The following RAMP1 variants were observed in gnomAD, a reference collection of about 807,000 sequenced individuals.
RAMP1 encodes the protein receptor activity modifying protein 1.
In RAMP1, 7 loss-of-function variants were observed where a neutral mutation model predicts 8.2. That is an observed-to-expected ratio of 0.85 (90% CI 0.49 to 1.60). The LOEUF is 1.60. RAMP1 is among the 40% of genes most tolerant of loss of function. The pLI is 0.00. For missense variants in RAMP1, 192 were observed against 202.4 expected (o/e 0.95, Z 0.31); for synonymous variants, 92 against 84.7 (o/e 1.09, Z -0.47).
In RAMP1 at chr2:237,880,132, C is replaced by T. The variant is rs1285090178; in HGVS notation, c.191+2770C>T. Among the ~76,000 whole-genome samples, 7 of 152,156 alleles carry T rather than the reference C, an allele frequency of 4.6e-5. No individual in the cohort carries two copies. In the East Asian group the frequency reaches 5.8e-4, roughly 13 times the overall value. ...GCAGAATGATGCCCCCCAGAGATGT[C>T]CATGCGTAATTCCTGGAACTGTCGA... On this transcript the variant is annotated intron_variant, in intron 2 of 2. Transcript: ENST00000254661.
chr2:237,873,683 A>G (rs1243344179), intron 1 of RAMP1, among the ~76,000 whole-genome samples: 2 of 152,240 alleles, frequency 1.3e-5, no homozygotes, highest in African/African-American at 4.8e-5. Context: ...GACATGAGTT[A>G]TGAATGATTA....
chr2:237,900,749 AATTCC>A (rs1247145556), intron 2 of RAMP1, among the ~76,000 whole-genome samples: 1 of 152,004 alleles, frequency 6.6e-6, no homozygotes, highest in Non-Finnish European at 1.5e-5. Flanking sequence ...CATTTCTAGG[AATTCC>A]ATTTTTTTAA....
Position 237,877,431 on chromosome 2 carries a change from G to A in RAMP1, c.191+69G>A. On this transcript the variant is annotated intron_variant, in intron 2 of 2. Coordinates refer to ENST00000254661, the MANE Select transcript of RAMP1 (RefSeq NM_005855.4). The surrounding 1 kb of genome is among the most constrained non-coding windows in gnomAD (Gnocchi z 4.4). Reference sequence around the variant, plus strand: ...GAGAGGGGGCAAGCGGAGGAGGAGTGGACCACGTGGGAGCTGTGGAAGATC... The same window carrying A: ...GAGAGGGGGCAAGCGGAGGAGGAGTAGACCACGTGGGAGCTGTGGAAGATC... The A allele has an allele frequency of 6.5e-7, 1 of 1,549,066 alleles. No homozygotes were observed. Among genetic ancestry groups the A allele is most frequent in the Non-Finnish European group, 8.7e-7 (1 of 1,146,662 alleles).
At chr2:237,904,218 C>G (rs906640501) in intron 2 of RAMP1, among the ~76,000 whole-genome samples, 25 of 150,430 alleles carry the variant, frequency 1.7e-4, no homozygotes, top group African/African-American at 5.9e-4. Flanking sequence ...TCAAGACCAT[C>G]CTGGCTAACA....
chr2:237,859,864 T>A, intron 1 of RAMP1, 137 bp downstream of exon 1: 1 of 827,698 alleles, frequency 1.2e-6, no homozygotes, highest in Non-Finnish European at 1.7e-6. Flanking sequence ...TCCGCTGCCC[T>A]TGAACGCGGG....
Position 237,911,889 on chromosome 2 carries a change from C to A in RAMP1, c.*106C>A. 7.0e-7 allele frequency: 1 copy of A among 1,424,958 alleles called. No individual in the cohort carries two copies. Among genetic ancestry groups the A allele is most frequent in the Non-Finnish European group, 9.3e-7 (1 of 1,077,338 alleles). 88.3% of individuals were successfully genotyped at this position (1,424,958 alleles called of 1,614,324 possible). A position where few individuals can be genotyped will look rare whatever the true frequency, so the allele number is the denominator to read the frequency against. ...CTTGGGACAGAGCAGGCCCACAATGCCCCCCTTCTTCCAGCCAAGAAGAGC... is the reference window on the plus strand; with the variant it reads ...CTTGGGACAGAGCAGGCCCACAATGACCCCCTTCTTCCAGCCAAGAAGAGC... On this transcript the variant is annotated 3_prime_UTR_variant, in exon 3 of 3. Transcript: ENST00000254661.
chr2:237,903,288 A>T (rs1013958773), intron 2 of RAMP1, among the ~76,000 whole-genome samples: 1 of 152,230 alleles, frequency 6.6e-6, no homozygotes, highest in African/African-American at 2.4e-5. Flanking sequence ...TGTTTTTCAT[A>T]ATTATAAATC....
chr2:237,868,320 A>G (rs1221503679), intron 1 of RAMP1, among the ~76,000 whole-genome samples: 1 of 152,136 alleles, frequency 6.6e-6, no homozygotes, highest in Admixed American at 6.5e-5. Context: ...CTGGGATTAC[A>G]GGCATGAGCC....
At chr2:237,863,644 C>A (rs2062152577) in intron 1 of RAMP1, among the ~76,000 whole-genome samples, 1 of 152,010 alleles carries the variant, frequency 6.6e-6, no homozygotes, top group Non-Finnish European at 1.5e-5. Flanking sequence ...TCACTTTAAC[C>A]ATCTTTTAAA....
At chr2:237,907,937 A>G (rs2062669265) in intron 2 of RAMP1, among the ~76,000 whole-genome samples, 1 of 152,232 alleles carries the variant, frequency 6.6e-6, no homozygotes, top group Non-Finnish European at 1.5e-5. Context: ...TACATATGGA[A>G]ATGGGTAATC....
rs374414872 is a variant in RAMP1 at position 237,862,886 on chromosome 2, G to A, written c.52+3159G>A. Reference sequence around the variant, plus strand: ...AAAGCTGCGTCTTTCCTCCAGGCTGGATCTGAGTGGGGCTGCCACAGTCTA... The same window carrying A: ...AAAGCTGCGTCTTTCCTCCAGGCTGAATCTGAGTGGGGCTGCCACAGTCTA... On this transcript the variant is annotated intron_variant, in intron 1 of 2. Transcript: ENST00000254661. The surrounding 1 kb of genome is among the most constrained non-coding windows in gnomAD (Gnocchi z 4.0). 1.7e-4 allele frequency among the ~76,000 whole-genome samples: 26 copies of A among 152,306 alleles called. No individual in the cohort carries two copies. The East Asian group carries it at 5.0e-3, about 29-fold the overall frequency.
At chr2:237,870,980 G>A (rs1385824035) in intron 1 of RAMP1, among the ~76,000 whole-genome samples, 3 of 152,220 alleles carry the variant, frequency 2.0e-5, no homozygotes, top group Non-Finnish European at 2.9e-5. Flanking sequence ...GTGCTTTGCT[G>A]TCTTTGAGGA....
chr2:237,899,657 G>A (rs190349260), intron 2 of RAMP1, among the ~76,000 whole-genome samples: 3 of 152,360 alleles, frequency 2.0e-5, no homozygotes, highest in Non-Finnish European at 2.9e-5. Context: ...AGGTGGAAGC[G>A]AAGGGCATCT....
chr2:237,873,336 C>A (rs948178547), intron 1 of RAMP1, among the ~76,000 whole-genome samples: 4 of 152,218 alleles, frequency 2.6e-5, no homozygotes, highest in Non-Finnish European at 5.9e-5. Flanking sequence ...GAGTTTGAGA[C>A]CCATTAGCTC....
intron 1 of RAMP1, among the ~76,000 whole-genome samples, chr2:237,869,224 T>G (rs1338975523): frequency 1.3e-5 from 2 of 152,232 alleles, no homozygotes; most frequent in East Asian, 3.8e-4. Flanking sequence ...CACAGCTGCA[T>G]GGTGACTTCT....
intron 2 of RAMP1, among the ~76,000 whole-genome samples, chr2:237,895,483 C>T (rs1188384035): frequency 2.6e-5 from 4 of 152,226 alleles, no homozygotes; most frequent in African/African-American, 9.7e-5. Context: ...TTTCCCCACA[C>T]TCAGTGTTGC....
intron 1 of RAMP1, among the ~76,000 whole-genome samples, chr2:237,870,365 C>T (rs950653229): frequency 2.6e-5 from 4 of 152,242 alleles, no homozygotes; most frequent in Non-Finnish European, 5.9e-5. Flanking sequence ...TGAGGACTCT[C>T]CAGGCCTCCG....
rs553839672 is a variant in RAMP1 at position 237,875,266 on chromosome 2, G to A, written c.53-1958G>A. 4.1e-4 allele frequency among the ~76,000 whole-genome samples: 63 copies of A among 152,228 alleles called. No individual in the cohort carries two copies. The South Asian group carries it at 0.011, about 26-fold the overall frequency. ...CCAGGGTGGGGGGTGCATCCACAGCGGGCCCAGCCAGCCCCAAGGTGCACT... is the reference window on the plus strand; with the variant it reads ...CCAGGGTGGGGGGTGCATCCACAGCAGGCCCAGCCAGCCCCAAGGTGCACT... On this transcript the variant is annotated intron_variant, in intron 1 of 2. Transcript: ENST00000254661.
intron 2 of RAMP1, among the ~76,000 whole-genome samples, chr2:237,881,500 G>A (rs28592827): frequency 0.03 from 4,598 of 152,320 alleles, 223 homozygotes; most frequent in African/African-American, 0.11. Context: ...GTTTTGCAAC[G>A]TCCCTCCAGA....
Sources: allele counts gnomAD v4.1 joint callset (sites outside exome capture counted in the v4.1 genomes callset), GRCh38; gene constraint gnomAD v4.1.1; non-coding constraint Gnocchi (gnomAD v3.1); transcripts MANE v1.5; gene names NCBI Gene and HGNC (gene_info 2026-07-23, HGNC 2026-07-21).